The following PARN variants were observed in gnomAD, a reference collection of about 807,000 sequenced individuals.
PARN encodes poly(A)-specific ribonuclease PARN.
Under a neutral mutation model 102.8 loss-of-function variants are expected in PARN, and 71 were observed. That is an observed-to-expected ratio of 0.69 (90% CI 0.57 to 0.84). The LOEUF is 0.84. Among genes scored for constraint, PARN ranks in the 40% least tolerant of loss-of-function variants. The pLI, the probability that PARN is intolerant of heterozygous loss-of-function variation, is 0.00. For missense variants in PARN, 782 were observed against 760.9 expected, an observed-to-expected ratio of 1.03 and a Z score of -0.33; for synonymous variants, 261 against 252.9, an observed-to-expected ratio of 1.03 and a Z score of -0.30.
chr16:14,548,992 G>T (rs938630002), intron 21 of PARN, among the ~76,000 whole-genome samples: 1 of 151,422 alleles, frequency 6.6e-6, no homozygotes, highest in East Asian at 1.9e-4. Flanking sequence ...GGAAGGGAGA[G>T]GGGGGAAGGT....
At chr16:14,469,952 TC>T (rs1199603659) in intron 22 of PARN, among the ~76,000 whole-genome samples, 1 of 152,220 alleles carries the variant, frequency 6.6e-6, no homozygotes. Flanking sequence ...GCAATTTGTT[TC>T]AATTATTAGC....
intron 7 of PARN, among the ~76,000 whole-genome samples, chr16:14,610,128 T>C (rs1971437986): frequency 6.6e-6 from 1 of 152,176 alleles, no homozygotes; most frequent in African/African-American, 2.4e-5. Flanking sequence ...ATGTAGCAAG[T>C]CCAAGTACAA....
chr16:14,499,622 A>G (rs916783550), intron 21 of PARN, among the ~76,000 whole-genome samples: 2 of 152,236 alleles, frequency 1.3e-5, no homozygotes, highest in African/African-American at 4.8e-5. Flanking sequence ...TGCTTTCTAC[A>G]TTCTAAAAGT....
chr16:14,532,454 G>A (rs528669360), intron 21 of PARN, among the ~76,000 whole-genome samples: 1 of 152,068 alleles, frequency 6.6e-6, no homozygotes, highest in Non-Finnish European at 1.5e-5. Flanking sequence ...TTAACCCTGA[G>A]TGGACACAGC....
intron 14 of PARN, 78 bp from the exon 15 acceptor site, chr16:14,584,869 TTAAAATACTTCATACA>T (rs1969749267): frequency 1.4e-6 from 1 of 735,296 alleles, no homozygotes; most frequent in African/African-American, 1.8e-5. Flanking sequence ...TGTAAGCTAC[TTAAAATACTTCATACA>T]TAAAAAACAT....
chr16:14,518,251 C>A, intron 21 of PARN, among the ~76,000 whole-genome samples: 1 of 131,152 alleles, frequency 7.6e-6, no homozygotes, highest in African/African-American at 3.0e-5. Context: ...GAGATCACAC[C>A]ACTACACTCC....
chr16:14,627,244 C>G (rs183751067), intron 4 of PARN, 25 bp downstream of exon 4: 122 of 1,586,602 alleles, frequency 7.7e-5, no homozygotes, highest in Non-Finnish European at 2.2e-5. Flanking sequence ...AAACGGAATT[C>G]CCAACGTTTG....
intron 21 of PARN, among the ~76,000 whole-genome samples, chr16:14,547,733 T>C (rs1436806920): frequency 6.6e-6 from 1 of 151,186 alleles, no homozygotes; most frequent in Non-Finnish European, 1.5e-5. Context: ...AAAATGGCTT[T>C]AAAAATCTTG....
At chr16:14,444,857 T>C (rs1157390493) in intron 23 of PARN, among the ~76,000 whole-genome samples, 1 of 152,140 alleles carries the variant, frequency 6.6e-6, no homozygotes, top group Non-Finnish European at 1.5e-5. Context: ...TCTCACTGTG[T>C]CCCCCAGGTT....
chr16:14,528,027 C>T (rs1393400189), intron 21 of PARN, among the ~76,000 whole-genome samples: 1 of 152,098 alleles, frequency 6.6e-6, no homozygotes, highest in Non-Finnish European at 1.5e-5. Flanking sequence ...TTGTGGGTTA[C>T]AAAAAATTGA....
At position 14,494,735 on chromosome 16, in the gene PARN, C is replaced by T. The variant is rs1422516815; in HGVS notation, c.1481-11908G>A. ...GATCTCCTCCTCCTGACAAAGATTC[C>T]GGGAGATCAGCAGGACGCCAGGGTA... On this transcript the variant is annotated intron_variant, in intron 21 of 23. Coordinates refer to ENST00000437198, the MANE Select transcript of PARN (RefSeq NM_002582.4). Among the ~76,000 whole-genome samples the T allele has an allele frequency of 2.0e-5, 3 of 152,118 alleles. No individual in the cohort carries two copies. The East Asian group carries it at 5.8e-4, about 29-fold the overall frequency.
intron 21 of PARN, among the ~76,000 whole-genome samples, chr16:14,484,070 A>G (rs1963528065): frequency 6.6e-6 from 1 of 152,082 alleles, no homozygotes; most frequent in African/African-American, 2.4e-5. Flanking sequence ...GCTCCTATGC[A>G]CTCTGCAAAT....
At chr16:14,463,700 G>A (rs1739651573) in intron 22 of PARN, among the ~76,000 whole-genome samples, 1 of 151,984 alleles carries the variant, frequency 6.6e-6, no homozygotes, top group Admixed American at 6.6e-5. Context: ...ATTAAAGAGA[G>A]CATCTGTGAC....
intron 22 of PARN, among the ~76,000 whole-genome samples, chr16:14,452,296 T>C (rs2151563247): frequency 6.6e-6 from 1 of 152,338 alleles, no homozygotes; most frequent in South Asian, 2.1e-4. Context: ...CCAGATGTGC[T>C]TCTGCAGGGT....
chr16:14,486,135 G>A (rs926880047), intron 21 of PARN, among the ~76,000 whole-genome samples: 5 of 152,154 alleles, frequency 3.3e-5, no homozygotes, highest in African/African-American at 4.8e-5. Context: ...CAGGAGGACT[G>A]CTTGAGCCCA....
At chr16:14,610,934 T>C (rs1027782467) in intron 6 of PARN, 125 bp from the exon 7 acceptor site, 3 of 650,154 alleles carry the variant, frequency 4.6e-6, no homozygotes, top group African/African-American at 3.6e-5. Context: ...TCTCAAAAAA[T>C]GAACAGAAAG....
At chr16:14,530,479 G>A (rs12443942) in intron 21 of PARN, among the ~76,000 whole-genome samples, 26,349 of 151,512 alleles carry the variant, frequency 0.17, 2,649 homozygotes, top group Middle Eastern at 0.28. Context: ...AGAAATCCAT[G>A]TGCATTATAA....
rs1270839080 is a variant in PARN, at chr16:14,590,187, A to G, written c.918+3114T>C. ...AATCACTTGAACACAGGAGGCCGAG[A>G]TCGCACCACTGCACTCCAGCCTAGG... is the stretch of plus-strand genomic sequence containing the variant. On this transcript the variant is annotated intron_variant, in intron 13 of 23. Coordinates refer to ENST00000437198, the MANE Select transcript of PARN (RefSeq NM_002582.4). Among the ~76,000 whole-genome samples, 24 of 136,894 alleles carry G rather than the reference A, an allele frequency of 1.8e-4. No individual in the cohort carries two copies. The Admixed American group carries it at 1.9e-3, about 11-fold the overall frequency. 89.8% of individuals were successfully genotyped at this position (136,894 alleles called of 152,430 possible). A position where few individuals can be genotyped will look rare whatever the true frequency, so the allele number is the denominator to read the frequency against.
rs1972940211 is a variant in PARN, at chr16:14,630,010, C to T, written c.19+97G>A. 9.5e-6 allele frequency: 11 copies of T among 1,154,518 alleles called. No homozygotes were observed. The South Asian group carries it at 1.3e-4, about 14-fold the overall frequency. 71.5% of individuals were successfully genotyped at this position (1,154,518 alleles called of 1,614,324 possible). ...GAAAAGCCCTGAGGGGCTGCCTCAG[C>T]CCCAGGCCCAGCCAAACACGCCGGC... On this transcript the variant is annotated intron_variant, in intron 1 of 23. Transcript: ENST00000437198.
Sources: allele counts gnomAD v4.1 joint callset (sites outside exome capture counted in the v4.1 genomes callset), GRCh38; gene constraint gnomAD v4.1.1; transcripts MANE v1.5; gene names NCBI Gene and HGNC (gene_info 2026-07-23, HGNC 2026-07-21).